The following DLG2 variants were observed in gnomAD, a reference collection of about 807,000 sequenced individuals.
DLG2 encodes the protein discs large MAGUK scaffold protein 2, also known as disks large homolog 2.
In DLG2, 45 loss-of-function variants were observed where a neutral mutation model predicts 132.5. The observed-to-expected ratio is 0.34, with a 90% CI of 0.27 to 0.44. DLG2 has a LOEUF of 0.44. Ranked by LOEUF, DLG2 falls within the 20% of genes least tolerant of loss-of-function variation. The pLI, the probability that DLG2 is intolerant of heterozygous loss-of-function variation, is 1.00. For missense variants in DLG2, 1,045 were observed against 1,196.9 expected (o/e 0.87, Z 1.87); for synonymous variants, 424 against 419.6 (o/e 1.01, Z -0.13).
At chr11:84,414,521 T>G (rs1222323789) in intron 7 of DLG2, among the ~76,000 whole-genome samples, 2 of 152,184 alleles carry the variant, frequency 1.3e-5, no homozygotes, top group African/African-American at 4.8e-5. Flanking sequence ...CATTCCGGTT[T>G]GTTTTGAAAT....
intron 17 of DLG2, among the ~76,000 whole-genome samples, chr11:83,830,173 A>G (rs1453144084): frequency 6.6e-6 from 1 of 152,368 alleles, no homozygotes; most frequent in South Asian, 2.1e-4. Flanking sequence ...TGCAAATGTT[A>G]TACATAAAAA....
intron 3 of DLG2, among the ~76,000 whole-genome samples, chr11:85,301,906 G>A (rs1362840892): frequency 6.6e-6 from 1 of 152,166 alleles, no homozygotes; most frequent in Admixed American, 6.5e-5. Context: ...ATCCCTCCCT[G>A]TCATAAAATT....
chr11:84,851,376 T>C (rs1471652484), intron 6 of DLG2, among the ~76,000 whole-genome samples: 1 of 152,104 alleles, frequency 6.6e-6, no homozygotes, highest in Non-Finnish European at 1.5e-5. Flanking sequence ...TGACCTGTAA[T>C]ACAGTGAGCC....
rs1049262919 is a variant in DLG2 at position 84,777,496 on chromosome 11, G to GT, written c.358-242766dup. On this transcript the variant is annotated intron_variant, in intron 6 of 27. Transcript: ENST00000376104. ...GGGATTGCTGTATCTAATAGTAGCT[G>GT]TTTTTTAGATTTTTTTGAGAAAACT... Among the ~76,000 whole-genome samples, 49 of 151,060 alleles carry GT rather than the reference G, an allele frequency of 3.2e-4. No individual in the cohort carries two copies. The South Asian group carries it at 7.5e-3, about 23-fold the overall frequency.
At chr11:84,407,126 T>C (rs2098856527) in intron 7 of DLG2, among the ~76,000 whole-genome samples, 1 of 152,186 alleles carries the variant, frequency 6.6e-6, no homozygotes, top group African/African-American at 2.4e-5. Context: ...CCAGTTCTGA[T>C]AACTCACCTT....
chr11:85,583,778 A>G (rs2078783665), intron 3 of DLG2, among the ~76,000 whole-genome samples: 1 of 152,160 alleles, frequency 6.6e-6, no homozygotes, highest in Non-Finnish European at 1.5e-5. Flanking sequence ...CCTTTTAGTC[A>G]ATACCCAATA....
chr11:84,014,551 T>C lies in DLG2; in HGVS notation c.920-33909A>G, dbSNP rs565965216. Among the ~76,000 whole-genome samples, 68 of 152,308 alleles carry C rather than the reference T, an allele frequency of 4.5e-4. 1 individual carries two copies. The highest frequency in any genetic ancestry group is 1.6e-3 in the African/African-American group (68 of 41,588). ...TGTTCCTATTACACAAATGAGTTCT[T>C]ATTGACTACGTACCATGTGCCAGGC... On this transcript the variant is annotated intron_variant, in intron 11 of 27. Transcript: ENST00000376104.
At chr11:85,622,117 GGCT>G (rs1404295437) in intron 2 of DLG2, among the ~76,000 whole-genome samples, 1 of 152,126 alleles carries the variant, frequency 6.6e-6, no homozygotes, top group Non-Finnish European at 1.5e-5. Flanking sequence ...ACTCGCTAAA[GGCT>G]CATATGATCA....
In DLG2 at chr11:84,562,529, T is replaced by C. The variant is rs182867990; in HGVS notation, c.358-27798A>G. On this transcript the variant is annotated intron_variant, in intron 6 of 27. Coordinates refer to ENST00000376104, the MANE Select transcript of DLG2 (RefSeq NM_001142699.3). ...GAAAATTATACCCTGTATTTTGGAATTGTTTGTGTCATTTGTTTAAATAAC... is the reference window on the plus strand; with the variant it reads ...GAAAATTATACCCTGTATTTTGGAACTGTTTGTGTCATTTGTTTAAATAAC... 5.8e-3 allele frequency among the ~76,000 whole-genome samples: 881 copies of C among 152,186 alleles called. 7 individuals carry two copies. The highest frequency in any genetic ancestry group is 0.021 in the African/African-American group (853 of 41,546).
At chr11:84,317,292 G>T in intron 7 of DLG2, 1 of 1,442,994 alleles carries the variant, frequency 6.9e-7, no homozygotes, top group East Asian at 2.4e-5. Context: ...GCAGTGCATC[G>T]TGGGAGCAGT....
At chr11:84,421,508 ACGTCTCCTAAAG>A (rs1189524546) in intron 7 of DLG2, among the ~76,000 whole-genome samples, 2 of 152,042 alleles carry the variant, frequency 1.3e-5, no homozygotes, top group Non-Finnish European at 2.9e-5. Flanking sequence ...AATACTGTAA[ACGTCTCCTAAAG>A]CGTCTCCTTG....
At chr11:85,309,083 C>T (rs1012487759) in intron 3 of DLG2, among the ~76,000 whole-genome samples, 2 of 152,036 alleles carry the variant, frequency 1.3e-5, no homozygotes, top group African/African-American at 2.4e-5. Flanking sequence ...AGGAGGTTGT[C>T]CAGTCTCCTA....
At chr11:83,772,493 AG>A (rs1165388152) in intron 18 of DLG2, among the ~76,000 whole-genome samples, 1 of 123,240 alleles carries the variant, frequency 8.1e-6, no homozygotes, top group Non-Finnish European at 1.7e-5. Context: ...AGGAAGGAGA[AG>A]GGGGAGGGGA....
intron 6 of DLG2, among the ~76,000 whole-genome samples, chr11:84,677,700 A>G (rs2099717034): frequency 1.3e-5 from 2 of 152,058 alleles, no homozygotes; most frequent in East Asian, 3.9e-4. Context: ...CTTGATCAGC[A>G]TAGCTGACCT....
intron 7 of DLG2, among the ~76,000 whole-genome samples, chr11:84,446,813 T>A (rs569053747): frequency 6.6e-6 from 1 of 152,068 alleles, no homozygotes; most frequent in African/African-American, 2.4e-5. Context: ...CTGCCCTGAA[T>A]GTCCATCAAA....
At chr11:85,320,418 A>C (rs1241066536) in intron 3 of DLG2, among the ~76,000 whole-genome samples, 2 of 151,884 alleles carry the variant, frequency 1.3e-5, no homozygotes, top group Non-Finnish European at 3.0e-5. Flanking sequence ...TCTCTTAATC[A>C]AAAAGAGGCA....
At chr11:84,534,463 T>A (rs1041796254) in intron 7 of DLG2, 107 bp downstream of exon 7, 1 of 1,171,494 alleles carries the variant, frequency 8.5e-7, no homozygotes, top group Non-Finnish European at 1.2e-6. Flanking sequence ...GTGTCCTCTA[T>A]CATGTTTTAA....
intron 14 of DLG2, among the ~76,000 whole-genome samples, chr11:83,939,368 A>G (rs921224571): frequency 6.6e-6 from 1 of 152,148 alleles, no homozygotes; most frequent in African/African-American, 2.4e-5. Flanking sequence ...TGTTCTGTTG[A>G]GTATACTCCC....
chr11:85,127,481 T>C (rs2075267948), intron 5 of DLG2, among the ~76,000 whole-genome samples: 1 of 152,196 alleles, frequency 6.6e-6, no homozygotes, highest in Admixed American at 6.5e-5. Context: ...ATTCATTTTC[T>C]TATCAGACAT....
Sources: allele counts gnomAD v4.1 joint callset (sites outside exome capture counted in the v4.1 genomes callset), GRCh38; gene constraint gnomAD v4.1.1; transcripts MANE v1.5; gene names NCBI Gene and HGNC (gene_info 2026-07-23, HGNC 2026-07-21).